TGIF1: variants seen among roughly 807,000 people sequenced by gnomAD.
TGIF1 encodes the protein TGFB induced factor homeobox 1.
A neutral mutation model predicts 19.3 loss-of-function variants in TGIF1; 4 were observed. The observed-to-expected ratio is 0.21, with a 90% confidence interval of 0.10 to 0.47. The LOEUF (loss-of-function observed/expected upper bound fraction) is 0.47, where lower values mean the gene tolerates loss of function less well. Ranked by LOEUF, TGIF1 falls within the 20% of genes least tolerant of loss-of-function variation. The pLI, the probability that TGIF1 is intolerant of heterozygous loss-of-function variation, is 0.98. For synonymous variants in TGIF1, 122 were observed against 129.3 expected (o/e 0.94, Z 0.38); for missense variants, 275 against 341.4 (o/e 0.81, Z 1.53).
At chr18:3,436,995 C>T (rs1471535707) in intron 2 of TGIF1, among the ~76,000 whole-genome samples, 3 of 152,016 alleles carry the variant, frequency 2.0e-5, no homozygotes, top group African/African-American at 7.3e-5. Context: ...ATCCCAGCTA[C>T]TCGGGAGGCT....
At chr18:3,453,082 C>T (rs898013641) in intron 1 of TGIF1, among the ~76,000 whole-genome samples, 5 of 152,092 alleles carry the variant, frequency 3.3e-5, no homozygotes, top group Non-Finnish European at 7.4e-5. Flanking sequence ...CCTGTTGCTT[C>T]TCCCAAGGAG....
intron 2 of TGIF1, among the ~76,000 whole-genome samples, chr18:3,438,542 A>G (rs1007081775): frequency 5.4e-5 from 8 of 147,154 alleles, no homozygotes; most frequent in African/African-American, 2.0e-4. Context: ...TGGATGTATC[A>G]AGTCCTTCTA....
At chr18:3,427,999 A>C (rs1024477680) in intron 2 of TGIF1, among the ~76,000 whole-genome samples, 1 of 152,232 alleles carries the variant, frequency 6.6e-6, no homozygotes, top group Middle Eastern at 3.2e-3. Flanking sequence ...TACCTGAGGC[A>C]CTTTCAGGTG....
chr18:3,453,976 T>C (rs1323557809), intron 1 of TGIF1: 3 of 332,860 alleles, frequency 9.0e-6, no homozygotes, highest in African/African-American at 6.7e-5. Flanking sequence ...GAGCCACAAC[T>C]AGGAGGGAGA....
At chr18:3,448,495 C>A (rs2082792547), upstream of TGIF1, 2 of 990,002 alleles carry the variant, frequency 2.0e-6, no homozygotes, top group Non-Finnish European at 2.4e-6. Context: ...AGCGTCCGGG[C>A]GGGTGGCTTG....
At position 3,458,346 on chromosome 18, in the gene TGIF1, A is replaced by G. The variant is rs1189660808; in HGVS notation, c.*406A>G. 1 of 170,720 alleles carries G rather than the reference A, an allele frequency of 5.9e-6. No individual in the cohort carries two copies. Among genetic ancestry groups the G allele is most frequent in the Non-Finnish European group, 1.3e-5 (1 of 79,320 alleles). The allele number at this position is 170,720 out of a possible 1,614,324, so 10.6% of individuals were successfully genotyped here. On this transcript the variant is annotated 3_prime_UTR_variant, in exon 3 of 3. Coordinates refer to ENST00000343820, the MANE Select transcript of TGIF1 (RefSeq NM_003244.4). The stretch of plus-strand genomic sequence containing the variant: ...TAATAAATTTTCCATTTTTTTTCAA[A>G]CAAGTATGAATCTAGTTGGTTGATG...
intron 1 of TGIF1, among the ~76,000 whole-genome samples, chr18:3,414,534 C>T (rs1190414106): frequency 6.6e-6 from 1 of 152,192 alleles, no homozygotes; most frequent in African/African-American, 2.4e-5. Flanking sequence ...TGAATCTAAT[C>T]TTGTACTTTC....
chr18:3,437,302 G>A (rs966145944), intron 2 of TGIF1, among the ~76,000 whole-genome samples: 2 of 152,106 alleles, frequency 1.3e-5, no homozygotes, highest in African/African-American at 4.8e-5. Context: ...GATAATCAAT[G>A]AGGAATGAGT....
intron 2 of TGIF1, among the ~76,000 whole-genome samples, chr18:3,437,347 T>C (rs1041678843): frequency 1.2e-4 from 19 of 152,178 alleles, no homozygotes; most frequent in African/African-American, 4.1e-4. Context: ...TTTTCTTGTT[T>C]CTAGCTTAGG....
intron 2 of TGIF1, among the ~76,000 whole-genome samples, chr18:3,422,296 T>TAAA (rs34822467): frequency 9.9e-5 from 8 of 80,408 alleles, no homozygotes; most frequent in Non-Finnish European, 1.7e-4. Context: ...GTTTAAAAAG[T>TAAA]AAAAAAAAAA....
upstream of TGIF1, chr18:3,447,924 A>G (rs988271978): frequency 2.0e-5 from 29 of 1,466,484 alleles, no homozygotes; most frequent in Admixed American, 3.1e-4. Flanking sequence ...CTCGGTTCCC[A>G]TCTCGGTTGC....
chr18:3,448,076 G>A (rs187502285), upstream of TGIF1: 37 of 978,978 alleles, frequency 3.8e-5, no homozygotes, highest in South Asian at 1.4e-4. Context: ...AAGCGGGCGG[G>A]GGGGGAGGTA....
At chr18:3,448,738 T>TTTTTTTTGG (rs1416217387), upstream of TGIF1, 1 of 320,438 alleles carries the variant, frequency 3.1e-6, no homozygotes, top group African/African-American at 2.9e-5. Flanking sequence ...TTTTTTTTTT[T>TTTTTTTTGG]GAGGGAGGGT....
upstream of TGIF1, chr18:3,447,814 G>C (rs367596914): frequency 6.2e-7 from 1 of 1,614,056 alleles, no homozygotes; most frequent in Non-Finnish European, 8.5e-7. Flanking sequence ...TCACATCTCC[G>C]TTTTTTCCTC....
intron 2 of TGIF1, among the ~76,000 whole-genome samples, chr18:3,438,935 GTATAAACATAGGAA>G (rs1402554020): frequency 1.3e-5 from 2 of 152,160 alleles, no homozygotes; most frequent in Non-Finnish European, 2.9e-5. Context: ...AGAAGAAATT[GTATAAACATAGGAA>G]TATAAATAGC....
Position 3,451,967 on chromosome 18 carries a change from C to G in TGIF1, c.16+1462C>G, listed in dbSNP as rs543641934. On this transcript the variant is annotated intron_variant, in intron 1 of 2. Coordinates refer to ENST00000343820, the MANE Select transcript of TGIF1 (RefSeq NM_003244.4). This position sits in a 1 kb window ranked among gnomAD's most constrained non-coding sequence, Gnocchi z 5.4. The stretch of plus-strand genomic sequence containing the variant: ...GCCTCCCGGGAATAAGTGAGGGGCT[C>G]TGTGTTTCGAGGATGGTTCTAGCGC... 4.7e-5 allele frequency: 74 copies of G among 1,570,678 alleles called. No homozygotes were observed. The highest frequency in any genetic ancestry group is 7.1e-5 in the Admixed American group (4 of 56,072).
chr18:3,434,639 CA>C (rs2082592811), intron 2 of TGIF1, among the ~76,000 whole-genome samples: 1 of 152,204 alleles, frequency 6.6e-6, no homozygotes, highest in African/African-American at 2.4e-5. Context: ...CGCTTGAACC[CA>C]AGAAGCGCAG....
chr18:3,452,674 CCCGTGCTCCTCCG>C (rs1401093737), intron 1 of TGIF1, among the ~76,000 whole-genome samples: 1 of 152,166 alleles, frequency 6.6e-6, no homozygotes, highest in Non-Finnish European at 1.5e-5. Context: ...CCTCCCTCTC[CCCGTGCTCCTCCG>C]CCGTCCTCCT....
upstream of TGIF1, chr18:3,450,095 GCGGGGCGGGAGGGGGA>G (rs1217123267): frequency 1.0e-5 from 11 of 1,053,634 alleles, no homozygotes; most frequent in South Asian, 3.4e-5. Flanking sequence ...CGGAGGAGCG[GCGGGGCGGGAGGGGGA>G]CGGGGCGGGC....
Sources: gnomAD v4.1 joint callset for allele counts (sites outside exome capture counted in the v4.1 genomes callset) on GRCh38, gnomAD v4.1.1 for gene constraint, Gnocchi (gnomAD v3.1) non-coding constraint, MANE v1.5 for transcripts, NCBI Gene and HGNC (gene_info 2026-07-23, HGNC 2026-07-21) for gene names.